The following GABRG3 variants were observed in gnomAD, a reference collection of about 807,000 sequenced individuals.
GABRG3 encodes the protein gamma-aminobutyric acid type A receptor subunit gamma3.
Under a neutral mutation model 48.8 loss-of-function variants are expected in GABRG3, and 25 were observed. That is an observed-to-expected ratio of 0.51 (90% CI 0.37 to 0.72). The LOEUF is 0.72. Among genes scored for constraint, GABRG3 ranks in the 30% least tolerant of loss-of-function variants. GABRG3 has a pLI of 0.00. For synonymous variants in GABRG3, 227 were observed against 217.6 expected, an observed-to-expected ratio of 1.04 and a Z score of -0.38; for missense variants, 394 against 577.9, an observed-to-expected ratio of 0.68 and a Z score of 3.26.
chr15:27,380,162 T>G (rs1430416010), intron 5 of GABRG3, among the ~76,000 whole-genome samples: 1 of 152,192 alleles, frequency 6.6e-6, no homozygotes, highest in Admixed American at 6.5e-5. Flanking sequence ...ATGTCCAATC[T>G]ATTAATGAAC....
chr15:27,059,796 C>A (rs964037218), intron 3 of GABRG3, among the ~76,000 whole-genome samples: 2 of 152,140 alleles, frequency 1.3e-5, no homozygotes, highest in Non-Finnish European at 2.9e-5. Context: ...GATTATTGAC[C>A]ACTAGGTGGC....
chr15:26,972,092 G>C (rs1024565113), intron 1 of GABRG3, among the ~76,000 whole-genome samples: 4 of 152,066 alleles, frequency 2.6e-5, no homozygotes, highest in African/African-American at 7.2e-5. Context: ...TTGGAACCAG[G>C]TGGGCAGAAG....
intron 5 of GABRG3, among the ~76,000 whole-genome samples, chr15:27,357,149 T>G (rs1165480021): frequency 6.6e-6 from 1 of 152,210 alleles, no homozygotes; most frequent in Non-Finnish European, 1.5e-5. Flanking sequence ...CCTCTCATTG[T>G]GTTTTAACAC....
At chr15:27,202,267 A>T (rs1888708563) in intron 3 of GABRG3, among the ~76,000 whole-genome samples, 1 of 151,714 alleles carries the variant, frequency 6.6e-6, no homozygotes, top group Non-Finnish European at 1.5e-5. Flanking sequence ...CTATACATTC[A>T]TTTTTTTTCT....
intron 3 of GABRG3, among the ~76,000 whole-genome samples, chr15:27,304,101 C>A (rs938371832): frequency 2.6e-5 from 4 of 151,874 alleles, no homozygotes; most frequent in Non-Finnish European, 4.4e-5. Context: ...AAATTCACAT[C>A]TAGGAAAATC....
chr15:27,366,523 C>G (rs1054267719), intron 5 of GABRG3: 1 of 152,226 alleles, frequency 6.6e-6, no homozygotes, highest in African/African-American at 2.4e-5. Context: ...TCTAGCTTAG[C>G]TCCCTGTCTG....
chr15:27,037,210 C>T (rs1896194263), intron 3 of GABRG3, among the ~76,000 whole-genome samples: 1 of 152,210 alleles, frequency 6.6e-6, no homozygotes, highest in Admixed American at 6.5e-5. Context: ...AGAGAAAACA[C>T]ATTTGTTGTG....
At chr15:27,251,098 T>C (rs1890441979) in intron 3 of GABRG3, among the ~76,000 whole-genome samples, 1 of 152,206 alleles carries the variant, frequency 6.6e-6, no homozygotes, top group Non-Finnish European at 1.5e-5. Context: ...CTCATTCTAT[T>C]ATCCGTGGAC....
At chr15:27,131,625 A>C (rs1481468860) in intron 3 of GABRG3, among the ~76,000 whole-genome samples, 1 of 151,784 alleles carries the variant, frequency 6.6e-6, no homozygotes, top group Non-Finnish European at 1.5e-5. Context: ...TTCTTCTTTA[A>C]TTTTTTTTAA....
intron 5 of GABRG3, among the ~76,000 whole-genome samples, chr15:27,387,814 AGGG>A (rs1895973736): frequency 1.8e-5 from 1 of 56,106 alleles, no homozygotes; most frequent in Non-Finnish European, 3.5e-5. Flanking sequence ...GGAGGGAGGG[AGGG>A]AGGGAGGGAG....
chr15:27,053,244 TC>T (rs1414247586), intron 3 of GABRG3, among the ~76,000 whole-genome samples: 1 of 152,196 alleles, frequency 6.6e-6, no homozygotes, highest in African/African-American at 2.4e-5. Flanking sequence ...TCACTATGCT[TC>T]TAATAGAGGC....
At chr15:27,427,094 C>A (rs368533985) in intron 5 of GABRG3, among the ~76,000 whole-genome samples, 1 of 151,984 alleles carries the variant, frequency 6.6e-6, no homozygotes, top group East Asian at 1.9e-4. Context: ...TCCAAATGTG[C>A]GAGACTAAAT....
chr15:26,978,856 G>A (rs554690903), intron 2 of GABRG3, among the ~76,000 whole-genome samples: 38 of 152,200 alleles, frequency 2.5e-4, no homozygotes, highest in African/African-American at 7.9e-4. Context: ...AGTTTTCTCT[G>A]TAACTACAGA....
chr15:27,517,198 C>T (rs1350133506), intron 6 of GABRG3, among the ~76,000 whole-genome samples: 1 of 152,202 alleles, frequency 6.6e-6, no homozygotes, highest in African/African-American at 2.4e-5. Context: ...GAGGCTGCCT[C>T]CTCCGTCATT....
At chr15:27,499,991 C>T (rs1447805581) in intron 6 of GABRG3, among the ~76,000 whole-genome samples, 2 of 152,132 alleles carry the variant, frequency 1.3e-5, no homozygotes, top group Non-Finnish European at 2.9e-5. Context: ...ACAGTGTGTC[C>T]CCGCTGCAAA....
intron 5 of GABRG3, among the ~76,000 whole-genome samples, chr15:27,389,463 C>T (rs1204519307): frequency 6.6e-6 from 1 of 152,162 alleles, no homozygotes; most frequent in Non-Finnish European, 1.5e-5. Context: ...TTTGTACCAG[C>T]GCCACCACTG....
intron 6 of GABRG3, among the ~76,000 whole-genome samples, chr15:27,487,169 G>A (rs868719655): frequency 6.6e-6 from 1 of 152,148 alleles, no homozygotes; most frequent in Non-Finnish European, 1.5e-5. Context: ...GACGGGAAAT[G>A]CAGAAAAAAC....
chr15:27,072,577 C>T (rs571292731), intron 3 of GABRG3, among the ~76,000 whole-genome samples: 1 of 152,326 alleles, frequency 6.6e-6, no homozygotes, highest in East Asian at 1.9e-4. Context: ...ACTCAAATGA[C>T]ACCAGTCCAT....
intron 6 of GABRG3, among the ~76,000 whole-genome samples, chr15:27,512,571 G>C (rs1397393733): frequency 6.6e-6 from 1 of 152,174 alleles, no homozygotes; most frequent in Non-Finnish European, 1.5e-5. Flanking sequence ...GTTCCCGAAA[G>C]TAGTCAACAC....
Sources: allele counts gnomAD v4.1 joint callset (sites outside exome capture counted in the v4.1 genomes callset), GRCh38; gene constraint gnomAD v4.1.1; transcripts MANE v1.5; gene names NCBI Gene and HGNC (gene_info 2026-07-23, HGNC 2026-07-21).